The following DNAH17 variants were observed in gnomAD, a reference collection of about 807,000 sequenced individuals.
DNAH17 encodes dynein axonemal heavy chain 17.
In DNAH17, 376 loss-of-function variants were observed where a neutral mutation model predicts 485.6. That is an observed-to-expected ratio of 0.77 (90% CI 0.71 to 0.84). DNAH17 has a LOEUF of 0.84. DNAH17 is among the 40% of genes least tolerant of loss of function. The pLI is 0.00. For missense variants in DNAH17, 6,370 were observed against 5,839.3 expected, an observed-to-expected ratio of 1.09 and a Z score of -2.96; for synonymous variants, 3,031 against 2,405.9, an observed-to-expected ratio of 1.26 and a Z score of -7.60.
In DNAH17 at chr17:78,540,251, A is replaced by G. The variant is rs1443777742; in HGVS notation, c.2533-371T>C. On this transcript the variant is annotated intron_variant, in intron 17 of 80. Transcript: ENST00000389840. Reference sequence around the variant, plus strand: ...TGGTCTGCATGCCCTTTTGATGCCCAAATTCATGAAGGTGAAGGTTGACCA... The same window carrying G: ...TGGTCTGCATGCCCTTTTGATGCCCGAATTCATGAAGGTGAAGGTTGACCA... Among the ~76,000 whole-genome samples the G allele has an allele frequency of 2.7e-5, 4 of 149,578 alleles. No individual in the cohort carries two copies. In the East Asian group the frequency reaches 5.9e-4, roughly 22 times the overall value.
chr17:78,446,664 G>T (rs1049512099), intron 69 of DNAH17, among the ~76,000 whole-genome samples: 3 of 151,662 alleles, frequency 2.0e-5, no homozygotes, highest in African/African-American at 7.3e-5. Flanking sequence ...ATTTTTTTGA[G>T]ACAGAGTCTC....
At chr17:78,512,097 G>A (rs1598618794) in intron 26 of DNAH17, among the ~76,000 whole-genome samples, 1 of 152,162 alleles carries the variant, frequency 6.6e-6, no homozygotes, top group Non-Finnish European at 1.5e-5. Flanking sequence ...CCTCCTAGGT[G>A]GGCACCCTCC....
intron 9 of DNAH17, 144 bp from the exon 10 acceptor site, chr17:78,567,310 C>T (rs1019929943): frequency 3.9e-6 from 3 of 763,974 alleles, no homozygotes; most frequent in Non-Finnish European, 6.3e-6. Flanking sequence ...GGGAGGACAC[C>T]CTCTGTGTCT....
Position 78,543,270 on chromosome 17 carries a change from G to A in DNAH17, c.2532+587C>T, listed in dbSNP as rs780344048. On this transcript the variant is annotated intron_variant, in intron 17 of 80. Coordinates refer to ENST00000389840, the MANE Select transcript of DNAH17 (RefSeq NM_173628.4). ...GCTGGGATTACAGGCATGTGCCAAC[G>A]TGCCCGGTTAATTTTTGTTTTTTTT... Among the ~76,000 whole-genome samples the A allele has an allele frequency of 1.0e-4, 15 of 147,578 alleles. 1 individual carries two copies. The highest frequency in any genetic ancestry group is 1.9e-4 in the Non-Finnish European group (13 of 67,242).
At chr17:78,432,584 C>G (rs1307467667) in intron 75 of DNAH17, among the ~76,000 whole-genome samples, 1 of 152,212 alleles carries the variant, frequency 6.6e-6, no homozygotes, top group African/African-American at 2.4e-5. Context: ...TCGTTGTCCT[C>G]CAGTCTTGGT....
At position 78,575,078 on chromosome 17, in the gene DNAH17, T is replaced by C; in HGVS notation, c.-21A>G. ...GTCATCTTGGCCTTTCCTTACACTG[T>C]GTATCTGTTAAGAGTGCAAGAAACA... is the stretch of plus-strand genomic sequence containing the variant. On this transcript the variant is annotated 5_prime_UTR_variant, in exon 2 of 81. Transcript: ENST00000389840. The C allele has an allele frequency of 1.3e-6, 2 of 1,594,842 alleles. No homozygotes were observed. Among genetic ancestry groups the C allele is most frequent in the Middle Eastern group, 1.7e-4 (1 of 5,998 alleles).
intron 56 of DNAH17, among the ~76,000 whole-genome samples, chr17:78,464,878 T>A (rs976152543): frequency 6.6e-6 from 1 of 152,284 alleles, no homozygotes; most frequent in Non-Finnish European, 1.5e-5. Flanking sequence ...ACAATTCTGA[T>A]GATTTGTTCA....
chr17:78,546,321 C>G (rs2091762804), intron 16 of DNAH17, among the ~76,000 whole-genome samples: 1 of 152,186 alleles, frequency 6.6e-6, no homozygotes, highest in African/African-American at 2.4e-5. Flanking sequence ...TTCAACCTTT[C>G]CATTTTGTTT....
chr17:78,470,398 T>C lies in DNAH17; in HGVS notation c.8512-1515A>G, dbSNP rs193034839. On this transcript the variant is annotated intron_variant, in intron 54 of 80. Coordinates refer to ENST00000389840, the MANE Select transcript of DNAH17 (RefSeq NM_173628.4). Reference sequence around the variant, plus strand: ...TGTCTATTTGTCTTAGAAAAAAAAATTAAAAAACAGGCCGGGCACGGTGGC... The same window carrying C: ...TGTCTATTTGTCTTAGAAAAAAAAACTAAAAAACAGGCCGGGCACGGTGGC... Among the ~76,000 whole-genome samples the C allele has an allele frequency of 2.5e-3, 371 of 148,194 alleles. 2 individuals are homozygous for C. Among genetic ancestry groups the C allele is most frequent in the African/African-American group, 8.0e-3 (324 of 40,468 alleles).
At position 78,475,378 on chromosome 17, in the gene DNAH17, C is replaced by T; in HGVS notation, c.8411G>A (p.Gly2804Asp). The T allele has an allele frequency of 6.2e-7, 1 of 1,613,974 alleles. No individual in the cohort carries two copies. The highest frequency in any genetic ancestry group is 2.2e-5 in the East Asian group (1 of 44,888). ...GCGGGAGAGGCTCTGTTTGCCACTG[C>T]CGCCCACCCCCACCAGCAGGGCATT... Reference protein sequence around the residue: ...RGNALLVGVGGSGKQSLSRLA... With the variant: ...RGNALLVGVGDSGKQSLSRLA... The change falls in exon 54 of 81, where the codon GGC becomes GAC. Residue 2804 changes from glycine to aspartate, a missense_variant. Transcript: ENST00000389840.
chr17:78,453,517 C>G (rs890175166), intron 64 of DNAH17, 52 bp from the exon 65 acceptor site: 29 of 1,605,222 alleles, frequency 1.8e-5, no homozygotes, highest in Middle Eastern at 1.7e-4. Context: ...CGTGATGGAA[C>G]GGTGCGCACG....
At chr17:78,560,504 A>G (rs2092129623) in intron 13 of DNAH17, among the ~76,000 whole-genome samples, 1 of 151,340 alleles carries the variant, frequency 6.6e-6, no homozygotes, top group African/African-American at 2.4e-5. Context: ...TCAAATTGTC[A>G]TTTCTTCTTG....
chr17:78,497,788 T>G (rs747474092), intron 37 of DNAH17, among the ~76,000 whole-genome samples: 56 of 152,142 alleles, frequency 3.7e-4, no homozygotes, highest in Non-Finnish European at 7.1e-4. Flanking sequence ...GGTTAGAAGG[T>G]GGAGGCAGAG....
At chr17:78,539,711 T>C in intron 18 of DNAH17, 26 bp downstream of exon 18, 1 of 1,554,296 alleles carries the variant, frequency 6.4e-7, no homozygotes, top group Non-Finnish European at 8.7e-7. Context: ...TATACATAAA[T>C]ATATTACCTT....
intron 18 of DNAH17, 46 bp downstream of exon 18, chr17:78,539,691 T>A (rs1007324766): frequency 6.9e-7 from 1 of 1,455,390 alleles, no homozygotes; most frequent in Non-Finnish European, 9.2e-7. Context: ...TTCTAACAGA[T>A]AAGAATACAT....
rs35973257 is a variant in DNAH17, at chr17:78,426,518, C to T, written c.12854G>A (p.Arg4285Gln). 44,984 of 1,613,546 alleles carry T rather than the reference C, an allele frequency of 0.028. 748 individuals are homozygous for T. Among genetic ancestry groups the T allele is most frequent in the Non-Finnish European group, 0.032 (38,272 of 1,179,642 alleles). The change falls in exon 79 of 81, where the codon CGG (arginine) becomes CAG (glutamine). Residue 4285 changes from arginine (R) to glutamine (Q), a missense_variant. Arg to Gln is a conservative substitution (Grantham distance 43, BLOSUM62 1). Coordinates refer to ENST00000389840, the MANE Select transcript of DNAH17 (RefSeq NM_173628.4). ...YDTVPDTWVA[R>Q]AYPSMMGLAA... Reference sequence around the variant, plus strand: ...CAGGCCCATCATGGAGGGGTAGGCCCGGGCCACCCACGTATCAGGCACGGT... The same window carrying T: ...CAGGCCCATCATGGAGGGGTAGGCCTGGGCCACCCACGTATCAGGCACGGT...
rs144867938 is a variant in DNAH17, at chr17:78,450,329, C to T, written c.10965G>A (p.Ala3655=). The T allele has an allele frequency of 7.2e-4, 1,161 of 1,613,956 alleles. 1 individual carries two copies. The highest frequency in any genetic ancestry group is 7.2e-4 in the Non-Finnish European group (847 of 1,179,824). ...TGAAGTAGAGCAGAGATGCCCTCTCCGCAGCCGGGCGGTAGTTCTCTCTCG... is the reference window on the plus strand; with the variant it reads ...TGAAGTAGAGCAGAGATGCCCTCTCTGCAGCCGGGCGGTAGTTCTCTCTCG... The part of the protein sequence containing the change: ...NEARENYRPA[A]ERASLLYFIL... Residue 3655 remains alanine (A), a synonymous_variant, in exon 68 of 81, where the codon GCG becomes GCA. Transcript: ENST00000389840.
Position 78,462,969 on chromosome 17 carries a change from G to T in DNAH17, c.9049C>A (p.Pro3017Thr), listed in dbSNP as rs149684122. The change falls in exon 57 of 81, where the codon CCC becomes ACC. Residue 3017 changes from proline to threonine, a missense_variant. Pro to Thr is a conservative substitution (Grantham distance 38). Transcript: ENST00000389840. ...TTGATCTGCTCCAGAAAGGTTTTGGGTGTGGTGTAGTTGTAGCGCCTCTCA... is the reference window on the plus strand; with the variant it reads ...TTGATCTGCTCCAGAAAGGTTTTGGTTGTGGTGTAGTTGTAGCGCCTCTCA... ...ATERRYNYTT[P>T]KTFLEQIKLY... 3.1e-6 allele frequency: 5 copies of T among 1,613,894 alleles called. No homozygotes were observed. The East Asian group carries it at 8.9e-5, about 29-fold the overall frequency.
Position 78,463,912 on chromosome 17 carries a change from AG to A in DNAH17, c.8941-836del, listed in dbSNP as rs1253477771. 2.0e-5 allele frequency among the ~76,000 whole-genome samples: 3 copies of A among 152,220 alleles called. No homozygotes were observed. In the East Asian group the frequency reaches 5.8e-4, roughly 29 times the overall value. On this transcript the variant is annotated intron_variant, in intron 56 of 80. Coordinates refer to ENST00000389840, the MANE Select transcript of DNAH17 (RefSeq NM_173628.4). The stretch of plus-strand genomic sequence containing the variant: ...GGTGGTGGGGCCAATGCCTGTTTCT[AG>A]GAAGTCTCTGCCTTGGGAACTAGAA...
Sources: allele counts gnomAD v4.1 joint callset (sites outside exome capture counted in the v4.1 genomes callset), GRCh38; gene constraint gnomAD v4.1.1; transcripts MANE v1.5; gene names NCBI Gene and HGNC (gene_info 2026-07-23, HGNC 2026-07-21).